Variants in ALCAM observed in about 807,000 individuals in gnomAD.
ALCAM encodes activated leukocyte cell adhesion molecule, also known as CD166 antigen.
ALCAM carries 30 observed loss-of-function variants against 70.9 expected under a neutral mutation model. The ratio of observed to expected loss-of-function variants is 0.42; its 90% confidence interval spans 0.32 to 0.57. ALCAM has a LOEUF of 0.57. ALCAM is among the 20% of genes least tolerant of loss of function. The pLI, the probability that ALCAM is intolerant of heterozygous loss-of-function variation, is 0.11. For synonymous variants in ALCAM, 249 were observed against 242.5 expected (o/e 1.03, Z -0.25); for missense variants, 591 against 695.1 (o/e 0.85, Z 1.68).
chr3:105,534,121 C>T (rs1252217867), intron 5 of ALCAM, among the ~76,000 whole-genome samples: 2 of 152,008 alleles, frequency 1.3e-5, no homozygotes, highest in Non-Finnish European at 2.9e-5. Flanking sequence ...GAACGTAATT[C>T]CACAACTGAT....
chr3:105,568,136 C>T lies in ALCAM; in HGVS notation c.1665-3716C>T, dbSNP rs1355485505. Among the ~76,000 whole-genome samples, 8 of 148,704 alleles carry T rather than the reference C, an allele frequency of 5.4e-5. No individual in the cohort carries two copies. The South Asian group carries it at 1.7e-3, about 31-fold the overall frequency. On this transcript the variant is annotated intron_variant, in intron 14 of 15. Transcript: ENST00000306107. The stretch of plus-strand genomic sequence containing the variant: ...AGTGCAATGGTACAATATCTCGGCT[C>T]ACTGCAACCTCTGCCTCCTGGGTTC...
chr3:105,510,769 T>G (rs1257636562), intron 1 of ALCAM, among the ~76,000 whole-genome samples: 2 of 152,092 alleles, frequency 1.3e-5, no homozygotes, highest in African/African-American at 4.8e-5. Context: ...CCAGTGTTTT[T>G]GTTTATGTTT....
At chr3:105,568,876 G>A (rs1940800129) in intron 14 of ALCAM, among the ~76,000 whole-genome samples, 1 of 151,268 alleles carries the variant, frequency 6.6e-6, no homozygotes, top group Admixed American at 6.6e-5. Flanking sequence ...AGTACACTTG[G>A]TGTTTTGTTT....
intron 1 of ALCAM, among the ~76,000 whole-genome samples, chr3:105,433,821 G>A (rs531030945): frequency 6.7e-6 from 1 of 149,198 alleles, no homozygotes; most frequent in South Asian, 2.1e-4. Flanking sequence ...TATAGACAGT[G>A]CATTTAAATT....
chr3:105,453,115 A>C (rs1375073160), intron 1 of ALCAM, among the ~76,000 whole-genome samples: 1 of 152,050 alleles, frequency 6.6e-6, no homozygotes, highest in East Asian at 1.9e-4. Context: ...TGTTGCAATT[A>C]CTTTTAGCAT....
chr3:105,420,361 CT>C (rs1188351214), intron 1 of ALCAM, among the ~76,000 whole-genome samples: 1 of 151,508 alleles, frequency 6.6e-6, no homozygotes, highest in Non-Finnish European at 1.5e-5. Context: ...CAATGTTTTT[CT>C]TTTTAAAGAA....
chr3:105,407,611 A>T (rs1266074125), intron 1 of ALCAM, among the ~76,000 whole-genome samples: 1 of 152,200 alleles, frequency 6.6e-6, no homozygotes, highest in African/African-American at 2.4e-5. Context: ...CACAGCCAAC[A>T]TCATACTGAA....
Position 105,576,422 on chromosome 3 carries a change from G to A in ALCAM, c.*1971G>A, listed in dbSNP as rs1940964026. ...AAATATTATTTTCTCTTTTGGTGTG[G>A]GAGATCAAAGGTTTAAAGTCTAACT... is the stretch of plus-strand genomic sequence containing the variant. On this transcript the variant is annotated 3_prime_UTR_variant, in exon 16 of 16. Transcript: ENST00000306107. The A allele has an allele frequency of 6.6e-6, 1 of 152,410 alleles. No homozygotes were observed. The highest frequency in any genetic ancestry group is 2.4e-5 in the African/African-American group (1 of 41,388). The allele number at this position is 152,410 out of a possible 1,614,324, so 9.4% of individuals were successfully genotyped here. A position where few individuals can be genotyped will look rare whatever the true frequency, so the allele number is the denominator to read the frequency against.
chr3:105,441,788 A>C (rs933908186), intron 1 of ALCAM, among the ~76,000 whole-genome samples: 1 of 152,164 alleles, frequency 6.6e-6, no homozygotes, highest in African/African-American at 2.4e-5. Context: ...ATTTCTTCTC[A>C]ATACTTAGAA....
At chr3:105,461,417 T>C (rs1180795550) in intron 1 of ALCAM, among the ~76,000 whole-genome samples, 3 of 151,812 alleles carry the variant, frequency 2.0e-5, no homozygotes, top group Admixed American at 6.6e-5. Context: ...AAAGTCTTAT[T>C]GGGAGTAAAA....
chr3:105,381,770 T>C (rs1935526564), intron 1 of ALCAM, among the ~76,000 whole-genome samples: 1 of 151,762 alleles, frequency 6.6e-6, no homozygotes, highest in South Asian at 2.1e-4. Flanking sequence ...GGCCCAGTGA[T>C]CATATTTTAA....
chr3:105,484,515 A>G (rs892741493), intron 1 of ALCAM, among the ~76,000 whole-genome samples: 2 of 152,038 alleles, frequency 1.3e-5, no homozygotes, highest in Non-Finnish European at 2.9e-5. Context: ...ACATATGGTC[A>G]TGGGAGGAAA....
intron 9 of ALCAM, among the ~76,000 whole-genome samples, chr3:105,546,532 C>T (rs1940252063): frequency 6.6e-6 from 1 of 151,398 alleles, no homozygotes; most frequent in Admixed American, 6.6e-5. Flanking sequence ...GATCACAAGG[C>T]TAGACAAGTT....
chr3:105,556,227 A>G (rs1213158230), intron 14 of ALCAM, among the ~76,000 whole-genome samples: 1 of 152,024 alleles, frequency 6.6e-6, no homozygotes, highest in East Asian at 1.9e-4. Flanking sequence ...AAAAATGTAA[A>G]GGCAGAGTGA....
At chr3:105,396,000 G>A (rs1163109262) in intron 1 of ALCAM, among the ~76,000 whole-genome samples, 3 of 151,974 alleles carry the variant, frequency 2.0e-5, no homozygotes, top group East Asian at 3.9e-4. Flanking sequence ...TTTAGGACCA[G>A]TCAACTAACA....
Position 105,541,633 on chromosome 3 carries a change from G to A in ALCAM, c.859G>A (p.Gly287Arg). The A allele has an allele frequency of 6.2e-7, 1 of 1,611,184 alleles. No individual in the cohort carries two copies. Among genetic ancestry groups the A allele is most frequent in the South Asian group, 1.1e-5 (1 of 90,884 alleles). Residue 287 changes from glycine (G) to arginine (R), a missense_variant and splice_region_variant, in exon 8 of 16, where the codon GGA (glycine) becomes AGA (arginine). This residue lies in a region of ALCAM where 427 missense variants were observed against 450.4 expected (regional missense o/e 0.95). Transcript: ENST00000306107. ...TCTGACATTTTGCCTCTATCAAAAG[G>A]GACAGCCCGAAGGAATAAGAAGCTC... ...PPEEFLFYLP[G>R]QPEGIRSSNT...
chr3:105,525,046 A>G, intron 3 of ALCAM: 1 of 866,032 alleles, frequency 1.2e-6, no homozygotes, highest in South Asian at 5.3e-5. Context: ...CAAATATTTT[A>G]TATATTATAT....
chr3:105,476,896 CA>C (rs763113354), intron 1 of ALCAM, among the ~76,000 whole-genome samples: 56 of 152,088 alleles, frequency 3.7e-4, no homozygotes, highest in Non-Finnish European at 6.8e-4. Flanking sequence ...GGGAGGGAGT[CA>C]GGGGGAGGTA....
intron 14 of ALCAM, among the ~76,000 whole-genome samples, chr3:105,570,048 A>G (rs1940829331): frequency 1.3e-5 from 2 of 152,198 alleles, no homozygotes; most frequent in Non-Finnish European, 2.9e-5. Flanking sequence ...GGGGAGCCAT[A>G]GCTGATAGAA....
Sources: allele counts gnomAD v4.1 joint callset (sites outside exome capture counted in the v4.1 genomes callset), GRCh38; gene constraint gnomAD v4.1.1; regional missense constraint gnomAD v4.1.1; transcripts MANE v1.5; gene names NCBI Gene and HGNC (gene_info 2026-07-23, HGNC 2026-07-21).